Variants in ACOX2 observed in about 807,000 individuals in gnomAD.
ACOX2 encodes acyl-CoA oxidase 2.
A neutral mutation model predicts 77.5 loss-of-function variants in ACOX2; 59 were observed. The observed-to-expected ratio is 0.76, with a 90% confidence interval of 0.62 to 0.95. ACOX2 has a LOEUF of 0.95. ACOX2 is among the 40% of genes least tolerant of loss of function. The pLI, the probability that ACOX2 is intolerant of heterozygous loss-of-function variation, is 0.00. For synonymous variants in ACOX2, 317 were observed against 340.1 expected (o/e 0.93, Z 0.75); for missense variants, 837 against 880.4 (o/e 0.95, Z 0.62).
At chr3:58,516,337 T>A (rs1391769984) in intron 13 of ACOX2, among the ~76,000 whole-genome samples, 2 of 152,208 alleles carry the variant, frequency 1.3e-5, no homozygotes, top group Non-Finnish European at 2.9e-5. Flanking sequence ...ACATACAGGT[T>A]AAGAGCTCAT....
Position 58,528,988 on chromosome 3 carries a change from A to G in ACOX2, c.993-32T>C. 6.3e-7 allele frequency: 1 copy of G among 1,586,960 alleles called. No individual in the cohort carries two copies. The highest frequency in any genetic ancestry group is 8.6e-7 in the Non-Finnish European group (1 of 1,165,850). On this transcript the variant is annotated intron_variant, in intron 8 of 14. Transcript: ENST00000302819. The surrounding 1 kb of genome is among the most constrained non-coding windows in gnomAD (Gnocchi z 5.6). Reference sequence around the variant, plus strand: ...GGAAAAGAACCAGAAGATTTAGATCACTACCTGTTGTGTCCACCTTCCCCT... The same window carrying G: ...GGAAAAGAACCAGAAGATTTAGATCGCTACCTGTTGTGTCCACCTTCCCCT...
chr3:58,511,415 C>T, intron 13 of ACOX2: 1 of 272,934 alleles, frequency 3.7e-6, no homozygotes, highest in Admixed American at 4.5e-5. Context: ...GCACCTCAGT[C>T]CATTCTTACA....
At position 58,505,204 on chromosome 3, in the gene ACOX2, C is replaced by G. The variant is rs745877466; in HGVS notation, c.*20G>C. The stretch of plus-strand genomic sequence containing the variant: ...TATCACATGATGGTGCTGGTTGCTT[C>G]TTGAATACTGTTGGTTATTTCATAG... On this transcript the variant is annotated 3_prime_UTR_variant, in exon 15 of 15. Coordinates refer to ENST00000302819, the MANE Select transcript of ACOX2 (RefSeq NM_003500.4). The surrounding 1 kb of genome is among the most constrained non-coding windows in gnomAD (Gnocchi z 4.4). 6.2e-7 allele frequency: 1 copy of G among 1,606,388 alleles called. No homozygotes were observed. The highest frequency in any genetic ancestry group is 8.5e-7 in the Non-Finnish European group (1 of 1,175,044).
In ACOX2 at chr3:58,534,208, C is replaced by A; in HGVS notation, c.324-63G>T. The A allele has an allele frequency of 2.5e-6, 4 of 1,604,456 alleles. No individual in the cohort carries two copies. Among genetic ancestry groups the A allele is most frequent in the Non-Finnish European group, 3.4e-6 (4 of 1,175,770 alleles). On this transcript the variant is annotated intron_variant, in intron 3 of 14. Transcript: ENST00000302819. This position sits in a 1 kb window ranked among gnomAD's most constrained non-coding sequence, Gnocchi z 4.8. ...GAGACAGGGGCCCAGGTACCCCCTGCCTGAGCAGAGTACAGGAGATAAAGG... is the reference window on the plus strand; with the variant it reads ...GAGACAGGGGCCCAGGTACCCCCTGACTGAGCAGAGTACAGGAGATAAAGG...
intron 7 of ACOX2, among the ~76,000 whole-genome samples, chr3:58,530,858 G>A (rs1577000086): frequency 2.0e-5 from 3 of 152,152 alleles, no homozygotes; most frequent in Non-Finnish European, 1.5e-5. Flanking sequence ...TAACTAAAGG[G>A]GTGATGCCTG....
rs375651556 is a variant in ACOX2, at chr3:58,510,253, C to T, written c.1851-1228G>A. 5.9e-5 allele frequency among the ~76,000 whole-genome samples: 9 copies of T among 152,124 alleles called. No homozygotes were observed. The East Asian group carries it at 9.7e-4, about 16-fold the overall frequency. ...ATCCCCAACATCATATGAGCCCTAC[C>T]GCCAATTTAATGTCCCCCTGCCCCC... On this transcript the variant is annotated intron_variant, in intron 13 of 14. Coordinates refer to ENST00000302819, the MANE Select transcript of ACOX2 (RefSeq NM_003500.4).
rs906863188 is a variant in ACOX2, at chr3:58,523,090, A to G, written c.1527-489T>C. The G allele has an allele frequency of 6.4e-6, 1 of 155,556 alleles. No homozygotes were observed. The highest frequency in any genetic ancestry group is 2.4e-5 in the African/African-American group (1 of 41,522). 9.6% of individuals were successfully genotyped at this position (155,556 alleles called of 1,614,324 possible). A position where few individuals can be genotyped will look rare whatever the true frequency, so the allele number is the denominator to read the frequency against. On this transcript the variant is annotated intron_variant, in intron 11 of 14. Transcript: ENST00000302819. The surrounding 1 kb of genome is among the most constrained non-coding windows in gnomAD (Gnocchi z 5.3). ...ACCCAAGGGACCTAAAAACAAAAAGAGAAAACCAACCTTTGTCCTGCAAAC... is the reference window on the plus strand; with the variant it reads ...ACCCAAGGGACCTAAAAACAAAAAGGGAAAACCAACCTTTGTCCTGCAAAC...
chr3:58,529,706 C>A (rs1576999045), intron 8 of ACOX2, among the ~76,000 whole-genome samples: 1 of 152,184 alleles, frequency 6.6e-6, no homozygotes, highest in Non-Finnish European at 1.5e-5. Flanking sequence ...CCAGGCCAGG[C>A]GAGGGCGCTG....
rs58018932 is a variant in ACOX2, at chr3:58,510,666, AT to A, written c.1851-1642del. Among the ~76,000 whole-genome samples, 30 of 7,908 alleles carry A rather than the reference AT, an allele frequency of 3.8e-3. 3 individuals carry two copies. Among genetic ancestry groups the A allele is most frequent in the African/African-American group, 0.014 (24 of 1,704 alleles). The allele number at this position is 7,908 out of a possible 152,430, so 5.2% of individuals were successfully genotyped here. ...AAAAAAAAAAAAAAAAAAAAAAAAT[AT>A]ATATATATATATATATATATATATA... On this transcript the variant is annotated intron_variant, in intron 13 of 14. Coordinates refer to ENST00000302819, the MANE Select transcript of ACOX2 (RefSeq NM_003500.4).
rs1257375885 is a variant in ACOX2, at chr3:58,525,713, T to A, written c.1346+753A>T. Reference sequence around the variant, plus strand: ...CAAAGGCCTCCTGGACAGAAAGAAGTGTGTGGCCGGCAGAAGTGAGCAGAG... The same window carrying A: ...CAAAGGCCTCCTGGACAGAAAGAAGAGTGTGGCCGGCAGAAGTGAGCAGAG... On this transcript the variant is annotated intron_variant, in intron 10 of 14. Transcript: ENST00000302819. This position sits in a 1 kb window ranked among gnomAD's most constrained non-coding sequence, Gnocchi z 5.0. 2.0e-5 allele frequency among the ~76,000 whole-genome samples: 3 copies of A among 151,964 alleles called. No individual in the cohort carries two copies. The highest frequency in any genetic ancestry group is 4.4e-5 in the Non-Finnish European group (3 of 67,972).
intron 12 of ACOX2, among the ~76,000 whole-genome samples, chr3:58,517,940 T>A (rs756133032): frequency 6.6e-6 from 1 of 151,290 alleles, no homozygotes; most frequent in Non-Finnish European, 1.5e-5. Flanking sequence ...CCAGGCATGG[T>A]GGTGCATGCC....
intron 13 of ACOX2, among the ~76,000 whole-genome samples, chr3:58,513,805 A>G (rs2063303775): frequency 6.6e-6 from 1 of 152,116 alleles, no homozygotes; most frequent in Non-Finnish European, 1.5e-5. Context: ...GCTGATTACA[A>G]ACTTGTGGCT....
In ACOX2 at chr3:58,521,826, T is replaced by G. The variant is rs1365845685; in HGVS notation, c.1632+670A>C. Reference sequence around the variant, plus strand: ...CTTCCTCCCAAGCACACCAGGATCCTTCTTGCTGCTTCCTTTTGCACGCGC... The same window carrying G: ...CTTCCTCCCAAGCACACCAGGATCCGTCTTGCTGCTTCCTTTTGCACGCGC... On this transcript the variant is annotated intron_variant, in intron 12 of 14. Transcript: ENST00000302819. This position sits in a 1 kb window ranked among gnomAD's most constrained non-coding sequence, Gnocchi z 4.8. Among the ~76,000 whole-genome samples the G allele has an allele frequency of 6.6e-6, 1 of 152,238 alleles. No homozygotes were observed. Among genetic ancestry groups the G allele is most frequent in the African/African-American group, 2.4e-5 (1 of 41,472 alleles).
In ACOX2 at chr3:58,531,334, C is replaced by T; in HGVS notation, c.736G>A (p.Asp246Asn). ...IIIGDIGPKMDFDQTDNGFLQ... is the reference protein window; with the variant it reads ...IIIGDIGPKMNFDQTDNGFLQ... The stretch of plus-strand genomic sequence containing the variant: ...AAGCCATTGTCTGTTTGATCAAAGT[C>T]CATCTTGGGTCCGATGTCCCCAATG... Residue 246 changes from aspartate to asparagine, a missense_variant, in exon 7 of 15, where the codon GAC (aspartate) becomes AAC (asparagine). Asp to Asn is a conservative substitution (Grantham distance 23). Transcript: ENST00000302819. The surrounding 1 kb of genome is among the most constrained non-coding windows in gnomAD (Gnocchi z 5.8). 2 of 1,614,016 alleles carry T rather than the reference C, an allele frequency of 1.2e-6. No homozygotes were observed. The highest frequency in any genetic ancestry group is 1.1e-5 in the South Asian group (1 of 91,068).
chr3:58,507,227 T>C (rs1267396824), intron 14 of ACOX2, among the ~76,000 whole-genome samples: 1 of 152,242 alleles, frequency 6.6e-6, no homozygotes, highest in African/African-American at 2.4e-5. Context: ...TGTTCATTTA[T>C]TCCATAGACG....
At chr3:58,530,334 G>T (rs2063427979) in intron 8 of ACOX2, 132 bp downstream of exon 8, 2 of 1,294,136 alleles carry the variant, frequency 1.5e-6, no homozygotes, top group Non-Finnish European at 2.1e-6. Context: ...TTGTGTTTGT[G>T]TGTGTGTATG....
In ACOX2 at chr3:58,515,814, G is replaced by C. The variant is rs1270466764; in HGVS notation, c.1850+1392C>G. On this transcript the variant is annotated intron_variant, in intron 13 of 14. Transcript: ENST00000302819. The surrounding 1 kb of genome is among the most constrained non-coding windows in gnomAD (Gnocchi z 4.0). ...TTTTTTTGAGACAAGGTCTCACTTTGTTGCCCAGGCTGGAGTGCAGTGGTG... is the reference window on the plus strand; with the variant it reads ...TTTTTTTGAGACAAGGTCTCACTTTCTTGCCCAGGCTGGAGTGCAGTGGTG... Among the ~76,000 whole-genome samples the C allele has an allele frequency of 2.0e-5, 3 of 151,900 alleles. No individual in the cohort carries two copies. Among genetic ancestry groups the C allele is most frequent in the African/African-American group, 7.3e-5 (3 of 41,318 alleles).
chr3:58,526,687 G>A lies in ACOX2; in HGVS notation c.1156-31C>T. The A allele has an allele frequency of 6.2e-7, 1 of 1,604,810 alleles. No homozygotes were observed. The highest frequency in any genetic ancestry group is 8.5e-7 in the Non-Finnish European group (1 of 1,175,444). On this transcript the variant is annotated intron_variant, in intron 9 of 14. Transcript: ENST00000302819. This position sits in a 1 kb window ranked among gnomAD's most constrained non-coding sequence, Gnocchi z 4.3. Reference sequence around the variant, plus strand: ...AGAACATGGAGGGGGGTTGGGCGGTGTTAGGGGGCCTCCACCATAGGGACC... The same window carrying A: ...AGAACATGGAGGGGGGTTGGGCGGTATTAGGGGGCCTCCACCATAGGGACC...
Position 58,530,519 on chromosome 3 carries a change from A to G in ACOX2, c.939T>C (p.Cys313=). The G allele has an allele frequency of 1.9e-6, 3 of 1,614,242 alleles. No homozygotes were observed. The highest frequency in any genetic ancestry group is 2.5e-6 in the Non-Finnish European group (3 of 1,180,028). Residue 313 remains cysteine, a synonymous_variant, in exon 8 of 15, where the codon TGT becomes TGC. Coordinates refer to ENST00000302819, the MANE Select transcript of ACOX2 (RefSeq NM_003500.4). ...GEILPILQKA[C]VIAMRYSVIR... Reference sequence around the variant, plus strand: ...TGACCGAGTAGCGCATGGCGATGACACAGGCCTTCTGCAGTATAGGGAGGA... The same window carrying G: ...TGACCGAGTAGCGCATGGCGATGACGCAGGCCTTCTGCAGTATAGGGAGGA...
Sources: allele counts gnomAD v4.1 joint callset (sites outside exome capture counted in the v4.1 genomes callset), GRCh38; gene constraint gnomAD v4.1.1; non-coding constraint Gnocchi (gnomAD v3.1); transcripts MANE v1.5; gene names NCBI Gene and HGNC (gene_info 2026-07-23, HGNC 2026-07-21).